The following PTGFRN variants were observed in gnomAD, a reference collection of about 807,000 sequenced individuals.
PTGFRN encodes prostaglandin F2 receptor inhibitor.
Under a neutral mutation model 83.2 loss-of-function variants are expected in PTGFRN, and 35 were observed. The ratio of observed to expected loss-of-function variants is 0.42; its 90% confidence interval spans 0.32 to 0.56. The LOEUF is 0.56. PTGFRN is among the 20% of genes least tolerant of loss of function. The probability of loss-of-function intolerance (pLI) is 0.11; values close to 1 mark genes in which losing one functional copy is unlikely to be tolerated. For missense variants in PTGFRN, 1,051 were observed against 1,179.5 expected (o/e 0.89, Z 1.60); for synonymous variants, 519 against 498.6 (o/e 1.04, Z -0.55).
At chr1:116,977,228 C>T (rs961796475) in intron 7 of PTGFRN, among the ~76,000 whole-genome samples, 1 of 152,110 alleles carries the variant, frequency 6.6e-6, no homozygotes, top group Non-Finnish European at 1.5e-5. Context: ...TAAAACAAGT[C>T]CTTAGAGACC....
At chr1:116,954,528 T>A (rs1012464197) in intron 4 of PTGFRN, among the ~76,000 whole-genome samples, 1 of 152,248 alleles carries the variant, frequency 6.6e-6, no homozygotes, top group Non-Finnish European at 1.5e-5. Flanking sequence ...TGTAATTAGC[T>A]GTGCCAAGTT....
intron 3 of PTGFRN, 73 bp downstream of exon 3, chr1:116,945,165 G>T (rs1650166208): frequency 6.6e-7 from 1 of 1,512,582 alleles, no homozygotes; most frequent in African/African-American, 1.4e-5. Flanking sequence ...AACCGGGCCA[G>T]GGAGCCCCAT....
chr1:116,915,329 T>G (rs1205389056), intron 1 of PTGFRN, among the ~76,000 whole-genome samples: 1 of 152,126 alleles, frequency 6.6e-6, no homozygotes, highest in Admixed American at 6.5e-5. Flanking sequence ...CCCTAGCAGG[T>G]GGCCATGCCG....
At chr1:116,964,795 G>A (rs1650778436) in intron 5 of PTGFRN, among the ~76,000 whole-genome samples, 1 of 152,210 alleles carries the variant, frequency 6.6e-6, no homozygotes, top group South Asian at 2.1e-4. Context: ...TAGTGGCTCA[G>A]CCCAAAACCT....
intron 1 of PTGFRN, among the ~76,000 whole-genome samples, chr1:116,939,044 CT>C (rs1649990594): frequency 6.6e-6 from 1 of 152,248 alleles, no homozygotes. Context: ...GGCTCCGCCC[CT>C]GAGGCTTTGC....
chr1:116,962,169 A>G (rs1285097015), intron 5 of PTGFRN, among the ~76,000 whole-genome samples: 1 of 152,128 alleles, frequency 6.6e-6, no homozygotes, highest in Non-Finnish European at 1.5e-5. Flanking sequence ...ATCTCGTGTC[A>G]TCATCACACC....
At position 116,961,363 on chromosome 1, in the gene PTGFRN, T is replaced by C. The variant is rs772933688; in HGVS notation, c.1334T>C (p.Val445Ala). ...KSGEANVRFT[V>A]SWYYRMNRRS... ...GGGGAGGCGAATGTCCGATTCACGG[T>C]TTCGTGGTACTACAGGATGAACCGG... The change falls in exon 5 of 9, where the codon GTT (valine) becomes GCT (alanine). Residue 445 changes from valine (V) to alanine (A), a missense_variant. Transcript: ENST00000393203. The surrounding 1 kb of genome is among the most constrained non-coding windows in gnomAD (Gnocchi z 5.4). 1 of 1,598,968 alleles carries C rather than the reference T, an allele frequency of 6.3e-7. No homozygotes were observed. The highest frequency in any genetic ancestry group is 8.5e-7 in the Non-Finnish European group (1 of 1,169,810).
intron 5 of PTGFRN, among the ~76,000 whole-genome samples, chr1:116,963,047 C>G (rs1020901363): frequency 6.6e-6 from 1 of 152,144 alleles, no homozygotes; most frequent in Non-Finnish European, 1.5e-5. Context: ...CTTCCTTCCC[C>G]TCTCGGTTTG....
intron 5 of PTGFRN, among the ~76,000 whole-genome samples, chr1:116,965,193 G>A (rs903161043): frequency 6.6e-6 from 1 of 152,180 alleles, no homozygotes; most frequent in Non-Finnish European, 1.5e-5. Flanking sequence ...CTTTCTGCCT[G>A]CTGTTCCATC....
chr1:116,968,838 C>T (rs1355891582), intron 6 of PTGFRN, among the ~76,000 whole-genome samples: 2 of 152,044 alleles, frequency 1.3e-5, no homozygotes, highest in Non-Finnish European at 2.9e-5. Flanking sequence ...TTTCACTTAG[C>T]ATAATGTTTT....
At chr1:116,955,224 C>T (rs1372021441) in intron 4 of PTGFRN, among the ~76,000 whole-genome samples, 1 of 152,174 alleles carries the variant, frequency 6.6e-6, no homozygotes, top group Non-Finnish European at 1.5e-5. Flanking sequence ...TGAGCAGACA[C>T]CTTCCTGGCA....
intron 5 of PTGFRN, among the ~76,000 whole-genome samples, 184 bp from the exon 6 acceptor site, chr1:116,966,727 A>G (rs1436640111): frequency 6.6e-6 from 1 of 152,158 alleles, no homozygotes; most frequent in Non-Finnish European, 1.5e-5. Flanking sequence ...ATTACTTTCA[A>G]TGGGGTGGTT....
At chr1:116,978,251 A>C (rs1429011973) in intron 7 of PTGFRN, among the ~76,000 whole-genome samples, 1 of 152,226 alleles carries the variant, frequency 6.6e-6, no homozygotes, top group Non-Finnish European at 1.5e-5. Flanking sequence ...AACCAAAAAA[A>C]GTCCAGGAGC....
intron 1 of PTGFRN, among the ~76,000 whole-genome samples, chr1:116,926,121 G>A (rs1649653662): frequency 6.6e-6 from 1 of 152,202 alleles, no homozygotes; most frequent in Admixed American, 6.5e-5. Flanking sequence ...AGCAGACAGT[G>A]GATCTAGGGA....
intron 7 of PTGFRN, among the ~76,000 whole-genome samples, chr1:116,980,306 C>CGATT (rs1204805555): frequency 6.6e-6 from 1 of 152,140 alleles, no homozygotes; most frequent in Non-Finnish European, 1.5e-5. Flanking sequence ...GACAGTGTGG[C>CGATT]GATTCCTCAA....
At chr1:116,924,296 G>T (rs931534617) in intron 1 of PTGFRN, among the ~76,000 whole-genome samples, 2 of 141,802 alleles carry the variant, frequency 1.4e-5, no homozygotes, top group African/African-American at 6.2e-5. Context: ...ACAGGCGCCT[G>T]CCACCACACC....
intron 7 of PTGFRN, among the ~76,000 whole-genome samples, chr1:116,978,466 A>G (rs1651221129): frequency 6.6e-6 from 1 of 152,180 alleles, no homozygotes; most frequent in Non-Finnish European, 1.5e-5. Context: ...CGATGCAAAA[A>G]TCCTCAATAA....
Position 116,986,880 on chromosome 1 carries a change from G to T in PTGFRN, c.2553G>T (p.Gly851=). 1 of 1,614,232 alleles carries T rather than the reference G, an allele frequency of 6.2e-7. No homozygotes were observed. The highest frequency in any genetic ancestry group is 8.5e-7 in the Non-Finnish European group (1 of 1,180,038). The change falls in exon 9 of 9, where the codon GGG becomes GGT. Residue 851 remains glycine (G), a synonymous_variant. Coordinates refer to ENST00000393203, the MANE Select transcript of PTGFRN (RefSeq NM_020440.4). ...TCGGGCTCCTGTCCTGTCTCATCGGGTACTGCAGCTCCCACTGGTGTTGTA... is the reference window on the plus strand; with the variant it reads ...TCGGGCTCCTGTCCTGTCTCATCGGTTACTGCAGCTCCCACTGGTGTTGTA... ...TVIGLLSCLI[G]YCSSHWCCKK... is the part of the protein sequence containing the mutation.
chr1:116,974,331 A>T lies in PTGFRN; in HGVS notation c.2167+8A>T. Reference sequence around the variant, plus strand: ...GAGCAGCACTGGATCCAGGTACCTCACTCCATCCTCACCCCTTCACCATGT... The same window carrying T: ...GAGCAGCACTGGATCCAGGTACCTCTCTCCATCCTCACCCCTTCACCATGT... On this transcript the variant is annotated splice_region_variant and intron_variant, in intron 7 of 8. Coordinates refer to ENST00000393203, the MANE Select transcript of PTGFRN (RefSeq NM_020440.4). The T allele has an allele frequency of 6.4e-7, 1 of 1,569,188 alleles. No individual in the cohort carries two copies. The highest frequency in any genetic ancestry group is 8.8e-7 in the Non-Finnish European group (1 of 1,139,760).
Sources: gnomAD v4.1 joint callset for allele counts (sites outside exome capture counted in the v4.1 genomes callset) on GRCh38, gnomAD v4.1.1 for gene constraint, Gnocchi (gnomAD v3.1) non-coding constraint, MANE v1.5 for transcripts, NCBI Gene and HGNC (gene_info 2026-07-23, HGNC 2026-07-21) for gene names.